Variants in POF1B observed in about 807,000 individuals in gnomAD.
POF1B encodes POF1B actin binding protein.
Under a neutral mutation model 55.3 loss-of-function variants are expected in POF1B, and 53 were observed. The observed-to-expected ratio is 0.96, with a 90% CI of 0.77 to 1.20. POF1B has a LOEUF of 1.20. Ranked by LOEUF, POF1B falls within the 50% of genes most tolerant of loss-of-function variation. POF1B has a pLI of 0.00. For missense variants in POF1B, 478 were observed against 420.5 expected (o/e 1.14, Z -1.20); for synonymous variants, 188 against 148.3 (o/e 1.27, Z -1.95).
In POF1B at chrX:85,379,509, A is replaced by C; in HGVS notation, c.-41-14T>G. ...CAGATGTTCTACCTAAGGAACAAAC[A>C]GAGAAATATAATGGAAAAAAAAGAC... On this transcript the variant is annotated splice_polypyrimidine_tract_variant and intron_variant, in intron 1 of 16. Coordinates refer to ENST00000262753, the MANE Select transcript of POF1B (RefSeq NM_024921.4). 8.7e-7 allele frequency: 1 copy of C among 1,146,345 alleles called. No individual in the cohort carries two copies. Among genetic ancestry groups the C allele is most frequent in the South Asian group, 2.0e-5 (1 of 50,938 alleles). The allele number at this position is 1,146,345 out of a possible 1,213,427, so 94.5% of individuals were successfully genotyped here. A position where few individuals can be genotyped will look rare whatever the true frequency, so the allele number is the denominator to read the frequency against.
At chrX:85,306,440 C>T in intron 11 of POF1B, 107 bp from the exon 12 acceptor site, 1 of 814,088 alleles carries the variant, frequency 1.2e-6, no homozygotes, top group Non-Finnish European at 1.7e-6. Context: ...TTTCCTATGC[C>T]CAGTTTTCTT....
chrX:85,283,569 A>T lies in POF1B; in HGVS notation c.1650-1252T>A, dbSNP rs143055762. ...TGAATGCAGCATGAAATAACTGTGG[A>T]AAATATCAAATGTCCTCATATATAT... On this transcript the variant is annotated intron_variant, in intron 15 of 16. Coordinates refer to ENST00000262753, the MANE Select transcript of POF1B (RefSeq NM_024921.4). Among the ~76,000 whole-genome samples, 246 of 111,105 alleles carry T rather than the reference A, an allele frequency of 2.2e-3. 4 individuals carry two copies. The highest frequency in any genetic ancestry group is 0.017 in the Admixed American group (181 of 10,395).
chrX:85,324,437 T>G (rs974283340), intron 7 of POF1B, among the ~76,000 whole-genome samples: 2 of 111,538 alleles, frequency 1.8e-5, no homozygotes, highest in African/African-American at 6.5e-5. Context: ...TGTTAGGTCT[T>G]GAATTGAGCC....
chrX:85,304,236 G>A, intron 14 of POF1B, 107 bp downstream of exon 14: 1 of 788,315 alleles, frequency 1.3e-6, no homozygotes, highest in Non-Finnish European at 1.7e-6. Context: ...TAAATAAAGT[G>A]ACTCTTGGAT....
intron 4 of POF1B, among the ~76,000 whole-genome samples, chrX:85,356,273 C>T (rs1449748226): frequency 2.0e-5 from 2 of 100,647 alleles, no homozygotes; most frequent in African/African-American, 7.5e-5. Context: ...AACGCTTGGA[C>T]ACAAGAAGGG....
At chrX:85,319,343 G>T (rs1275849730) in intron 7 of POF1B, among the ~76,000 whole-genome samples, 3 of 110,970 alleles carry the variant, frequency 2.7e-5, no homozygotes, top group East Asian at 5.7e-4. Context: ...CTTTCTTCCT[G>T]CTTGAATGCC....
At chrX:85,360,527 G>GTATGTATATATA (rs1392775604) in intron 3 of POF1B, among the ~76,000 whole-genome samples, 51 of 58,494 alleles carry the variant, frequency 8.7e-4, no homozygotes, top group African/African-American at 4.6e-3. Flanking sequence ...TCCATGGTAT[G>GTATGTATATATA]TATATATATA....
chrX:85,379,075 G>T, intron 2 of POF1B, 98 bp downstream of exon 2: 1 of 982,838 alleles, frequency 1.0e-6, no homozygotes. Context: ...TCCACCAAAA[G>T]ATATCCTGTG....
At chrX:85,359,716 G>T in intron 3 of POF1B, 86 bp from the exon 4 acceptor site, 2 of 618,748 alleles carry the variant, frequency 3.2e-6, no homozygotes, top group Non-Finnish European at 5.0e-6. Context: ...CAATTTCCAG[G>T]GTTAAATTTT....
At chrX:85,289,205 G>T (rs1932125952) in intron 15 of POF1B, among the ~76,000 whole-genome samples, 2 of 111,464 alleles carry the variant, frequency 1.8e-5, no homozygotes, top group Non-Finnish European at 3.8e-5. Context: ...CAGAAAGTGG[G>T]GGAAGAAATG....
rs1300095577 is a variant in POF1B at position 85,379,162 on chromosome X, C to T, written c.282+11G>A. 8.3e-7 allele frequency: 1 copy of T among 1,206,822 alleles called. No homozygotes were observed. Among genetic ancestry groups the T allele is most frequent in the Admixed American group, 2.2e-5 (1 of 45,903 alleles). On this transcript the variant is annotated intron_variant, in intron 2 of 16. Coordinates refer to ENST00000262753, the MANE Select transcript of POF1B (RefSeq NM_024921.4). Reference sequence around the variant, plus strand: ...TTCTCCACTAGTCTGGCATAGCTTTCTTTGTTGTACCTGAGAATGGTCGCT... The same window carrying T: ...TTCTCCACTAGTCTGGCATAGCTTTTTTTGTTGTACCTGAGAATGGTCGCT...
At chrX:85,347,848 G>A (rs1310652545) in intron 5 of POF1B, among the ~76,000 whole-genome samples, 1 of 110,644 alleles carries the variant, frequency 9.0e-6, no homozygotes, top group African/African-American at 3.3e-5. Flanking sequence ...GTGAATGTAT[G>A]TTACATTACT....
At chrX:85,325,438 A>AT (rs753487003) in intron 7 of POF1B, among the ~76,000 whole-genome samples, 7 of 111,519 alleles carry the variant, frequency 6.3e-5, no homozygotes, top group African/African-American at 1.3e-4. Context: ...AAGCTCTGAG[A>AT]TTTTTTGCCC....
chrX:85,306,964 A>C (rs1932587978), intron 11 of POF1B, among the ~76,000 whole-genome samples, 199 bp downstream of exon 11: 1 of 112,024 alleles, frequency 8.9e-6, no homozygotes, highest in African/African-American at 3.2e-5. Flanking sequence ...CTTTATATCT[A>C]AAATAGATAA....
chrX:85,312,522 C>T (rs777897866), intron 9 of POF1B, among the ~76,000 whole-genome samples: 4 of 110,912 alleles, frequency 3.6e-5, no homozygotes, highest in Non-Finnish European at 5.7e-5. Flanking sequence ...CTGTTCTGTT[C>T]CATTGGTCTA....
intron 7 of POF1B, among the ~76,000 whole-genome samples, chrX:85,316,065 G>T (rs1932784921): frequency 9.0e-6 from 1 of 111,116 alleles, no homozygotes; most frequent in Non-Finnish European, 1.9e-5. Flanking sequence ...TGCTTCTTGG[G>T]TGAATGAACA....
intron 15 of POF1B, among the ~76,000 whole-genome samples, chrX:85,299,804 G>A (rs1444987848): frequency 7.1e-5 from 8 of 112,087 alleles, no homozygotes; most frequent in East Asian, 2.8e-4. Flanking sequence ...CACCGCGCCC[G>A]ACCCTTAAAA....
Position 85,277,724 on chromosome X carries a change from T to C in POF1B, c.*1697A>G, listed in dbSNP as rs770167885. ...GTCACTTAATATAGTGACCTCTAGT[T>C]CCATCCATGACTCCTTAACTGCCCC... On this transcript the variant is annotated 3_prime_UTR_variant, in exon 17 of 17. Coordinates refer to ENST00000262753, the MANE Select transcript of POF1B (RefSeq NM_024921.4). The C allele has an allele frequency of 9.0e-6, 1 of 110,630 alleles. No homozygotes were observed. The highest frequency in any genetic ancestry group is 2.9e-4 in the East Asian group (1 of 3,497). 9.1% of individuals were successfully genotyped at this position (110,630 alleles called of 1,213,427 possible).
chrX:85,287,590 T>A (rs757760812), intron 15 of POF1B, among the ~76,000 whole-genome samples: 4 of 111,454 alleles, frequency 3.6e-5, no homozygotes, highest in African/African-American at 9.7e-5. Flanking sequence ...AAAATTGAAT[T>A]TACAATTAGA....
Sources: allele counts gnomAD v4.1 joint callset (sites outside exome capture counted in the v4.1 genomes callset), GRCh38; gene constraint gnomAD v4.1.1; transcripts MANE v1.5; gene names NCBI Gene and HGNC (gene_info 2026-07-23, HGNC 2026-07-21).